Variants in SPATS2L observed in about 807,000 individuals in gnomAD.
SPATS2L encodes SPATS2-like protein.
SPATS2L carries 30 observed loss-of-function variants against 59.6 expected under a neutral mutation model. That is an observed-to-expected ratio of 0.50 (90% CI 0.38 to 0.68). The LOEUF is 0.68. SPATS2L is among the 30% of genes least tolerant of loss of function. SPATS2L has a pLI of 0.00. For missense variants in SPATS2L, 615 were observed against 700.0 expected (o/e 0.88, Z 1.37); for synonymous variants, 252 against 263.5 (o/e 0.96, Z 0.42).
intron 6 of SPATS2L, among the ~76,000 whole-genome samples, chr2:200,421,599 A>G (rs1481027119): frequency 6.6e-6 from 1 of 152,080 alleles, no homozygotes; most frequent in African/African-American, 2.4e-5. Context: ...TTTCCTAACA[A>G]CTCCACTAAT....
upstream of SPATS2L, chr2:200,306,422 C>G (rs996635793): frequency 9.4e-5 from 94 of 1,001,842 alleles, no homozygotes; most frequent in Non-Finnish European, 1.1e-4. Context: ...AAGCAAAGTG[C>G]GGAAGCTGTA....
intron 2 of SPATS2L, among the ~76,000 whole-genome samples, chr2:200,345,151 T>A (rs767553615): frequency 6.6e-6 from 1 of 152,210 alleles, no homozygotes; most frequent in Admixed American, 6.5e-5. Context: ...TGCCCATCCC[T>A]AGGTCCATAA....
At chr2:200,388,988 C>T (rs1269133579) in intron 2 of SPATS2L, among the ~76,000 whole-genome samples, 4 of 152,050 alleles carry the variant, frequency 2.6e-5, no homozygotes, top group Non-Finnish European at 5.9e-5. Flanking sequence ...CTGTCTTTGT[C>T]GTTTTTCATG....
At chr2:200,441,975 A>G (rs985888074) in intron 8 of SPATS2L, among the ~76,000 whole-genome samples, 3 of 152,182 alleles carry the variant, frequency 2.0e-5, no homozygotes, top group Admixed American at 6.5e-5. Flanking sequence ...ACCATCTGCT[A>G]TGTATCATAT....
At chr2:200,393,793 C>T (rs1372914655) in intron 3 of SPATS2L, among the ~76,000 whole-genome samples, 1 of 152,162 alleles carries the variant, frequency 6.6e-6, no homozygotes, top group Non-Finnish European at 1.5e-5. Context: ...TTAAGAATAA[C>T]AACTGTTATG....
intron 1 of SPATS2L, among the ~76,000 whole-genome samples, chr2:200,322,203 A>G (rs80248373): frequency 6.6e-6 from 1 of 152,338 alleles, no homozygotes; most frequent in Non-Finnish European, 1.5e-5. Context: ...TGATATGATT[A>G]TTTGATGAAA....
intron 3 of SPATS2L, among the ~76,000 whole-genome samples, chr2:200,397,467 TAGAC>T (rs1234467013): frequency 6.6e-6 from 1 of 152,116 alleles, no homozygotes; most frequent in Non-Finnish European, 1.5e-5. Context: ...TCGGATAGAT[TAGAC>T]AGACAGGTAG....
At chr2:200,361,876 A>G (rs1049501897) in intron 2 of SPATS2L, among the ~76,000 whole-genome samples, 2 of 152,182 alleles carry the variant, frequency 1.3e-5, no homozygotes, top group African/African-American at 2.4e-5. Context: ...CCTGTCCATT[A>G]TGATTTGTTC....
At chr2:200,316,444 C>T (rs1355107256) in intron 1 of SPATS2L, among the ~76,000 whole-genome samples, 3 of 152,156 alleles carry the variant, frequency 2.0e-5, no homozygotes, top group African/African-American at 7.2e-5. Context: ...GTGGTAACTA[C>T]CTTGATGTGA....
chr2:200,333,641 A>G (rs992466991), intron 2 of SPATS2L, among the ~76,000 whole-genome samples: 22 of 151,908 alleles, frequency 1.4e-4, no homozygotes, highest in African/African-American at 5.3e-4. Flanking sequence ...TCCTAATGCT[A>G]TCCCTCCCCG....
chr2:200,400,313 C>A (rs62279296), intron 3 of SPATS2L, among the ~76,000 whole-genome samples: 17,959 of 152,016 alleles, frequency 0.12, 1,177 homozygotes, highest in Middle Eastern at 0.13. Context: ...CTCAGTGTAC[C>A]CTAAAATTAT....
At chr2:200,332,947 T>C (rs1053564490) in intron 2 of SPATS2L, among the ~76,000 whole-genome samples, 2 of 152,054 alleles carry the variant, frequency 1.3e-5, no homozygotes, top group Admixed American at 6.6e-5. Flanking sequence ...ACTAGAGCTG[T>C]ACACAATAAC....
intron 6 of SPATS2L, among the ~76,000 whole-genome samples, chr2:200,425,928 G>GT (rs1663239799): frequency 6.6e-6 from 1 of 152,238 alleles, no homozygotes; most frequent in African/African-American, 2.4e-5. Context: ...CCACTGTGAC[G>GT]TAAGTGTCTG....
chr2:200,348,822 T>G (rs1238795664), intron 2 of SPATS2L, among the ~76,000 whole-genome samples: 1 of 151,824 alleles, frequency 6.6e-6, no homozygotes, highest in Admixed American at 6.6e-5. Context: ...GTTTCAGAGC[T>G]GGCCCTTGAA....
chr2:200,341,937 C>T (rs919116512), intron 2 of SPATS2L, among the ~76,000 whole-genome samples: 7 of 152,156 alleles, frequency 4.6e-5, no homozygotes, highest in East Asian at 1.9e-4. Flanking sequence ...ATCCGCCTAC[C>T]TCAGCCTCCC....
intron 8 of SPATS2L, among the ~76,000 whole-genome samples, chr2:200,457,502 A>G (rs2106179052): frequency 6.6e-6 from 1 of 152,358 alleles, no homozygotes; most frequent in South Asian, 2.1e-4. Context: ...TTTCTGTATC[A>G]TGCATTTCCT....
intron 2 of SPATS2L, among the ~76,000 whole-genome samples, chr2:200,366,268 T>C (rs2081265699): frequency 6.6e-6 from 1 of 152,224 alleles, no homozygotes; most frequent in South Asian, 2.1e-4. Flanking sequence ...ACATTAACAG[T>C]CAACAGATTC....
intron 6 of SPATS2L, among the ~76,000 whole-genome samples, chr2:200,424,661 A>C (rs896282236): frequency 6.6e-6 from 1 of 152,132 alleles, no homozygotes; most frequent in African/African-American, 2.4e-5. Flanking sequence ...AATGTATAGC[A>C]TTTACTTGTC....
At chr2:200,426,071 A>G (rs1388172664) in intron 6 of SPATS2L, among the ~76,000 whole-genome samples, 1 of 144,512 alleles carries the variant, frequency 6.9e-6, no homozygotes, top group Non-Finnish European at 1.5e-5. Flanking sequence ...AATTATAACC[A>G]TAGGTTTTTA....
Sources: allele counts gnomAD v4.1 joint callset (sites outside exome capture counted in the v4.1 genomes callset), GRCh38; gene constraint gnomAD v4.1.1; transcripts MANE v1.5; gene names NCBI Gene and HGNC (gene_info 2026-07-23, HGNC 2026-07-21).